The following FRMD4B variants were observed in gnomAD, a reference collection of about 807,000 sequenced individuals.
The protein encoded by FRMD4B is FERM domain containing 4B.
A neutral mutation model predicts 141.5 loss-of-function variants in FRMD4B; 74 were observed. The observed-to-expected ratio is 0.52, with a 90% CI of 0.43 to 0.63. The LOEUF (loss-of-function observed/expected upper bound fraction) is 0.63, where lower values mean the gene tolerates loss of function less well. Ranked by LOEUF, FRMD4B falls within the 30% of genes least tolerant of loss-of-function variation. FRMD4B has a pLI of 0.00. For missense variants in FRMD4B, 1,366 were observed against 1,253.4 expected (o/e 1.09, Z -1.36); for synonymous variants, 506 against 467.9 (o/e 1.08, Z -1.05).
intron 2 of FRMD4B, among the ~76,000 whole-genome samples, chr3:69,413,387 G>C (rs894204108): frequency 6.6e-6 from 1 of 152,144 alleles, no homozygotes; most frequent in Non-Finnish European, 1.5e-5. Flanking sequence ...ACCCCAGGCC[G>C]TCTTGATGTT....
chr3:69,457,755 G>A (rs1353827998), intron 1 of FRMD4B, among the ~76,000 whole-genome samples: 1 of 152,168 alleles, frequency 6.6e-6, no homozygotes, highest in African/African-American at 2.4e-5. Flanking sequence ...GAAGTTTTCT[G>A]GCTTAGTAGC....
intron 11 of FRMD4B, among the ~76,000 whole-genome samples, chr3:69,211,678 G>A (rs72932136): frequency 0.12 from 17,831 of 152,120 alleles, 1,188 homozygotes; most frequent in East Asian, 0.33. Context: ...TAACAAGACG[G>A]GATGTGGCTC....
intron 1 of FRMD4B, among the ~76,000 whole-genome samples, chr3:69,346,292 A>C (rs931563651): frequency 6.6e-6 from 1 of 152,170 alleles, no homozygotes; most frequent in Non-Finnish European, 1.5e-5. Flanking sequence ...AAAAGAGTAA[A>C]AAGAAATGAA....
At chr3:69,401,681 C>G (rs1365168481) in intron 2 of FRMD4B, among the ~76,000 whole-genome samples, 1 of 152,130 alleles carries the variant, frequency 6.6e-6, no homozygotes, top group Non-Finnish European at 1.5e-5. Flanking sequence ...TCCTGATTAG[C>G]TGGGACCACA....
intron 1 of FRMD4B, among the ~76,000 whole-genome samples, chr3:69,486,469 A>G (rs1008171356): frequency 6.6e-6 from 1 of 152,174 alleles, no homozygotes; most frequent in African/African-American, 2.4e-5. Flanking sequence ...ATAAAACACT[A>G]TATGGACAAA....
At chr3:69,410,359 G>A (rs1021175432) in intron 2 of FRMD4B, among the ~76,000 whole-genome samples, 2 of 152,238 alleles carry the variant, frequency 1.3e-5, no homozygotes. Flanking sequence ...GTGAATATCT[G>A]CGTGAGTGTA....
intron 5 of FRMD4B, among the ~76,000 whole-genome samples, chr3:69,257,436 T>A (rs546215468): frequency 3.9e-5 from 6 of 152,280 alleles, no homozygotes; most frequent in Non-Finnish European, 8.8e-5. Flanking sequence ...CCTTTCTTTT[T>A]ACCTTAATGA....
At chr3:69,384,658 G>T (rs763325443) in intron 1 of FRMD4B, among the ~76,000 whole-genome samples, 7 of 152,190 alleles carry the variant, frequency 4.6e-5, no homozygotes, top group Non-Finnish European at 8.8e-5. Flanking sequence ...AGATATCACA[G>T]ATATGTTATA....
At chr3:69,302,001 G>C (rs972553092) in intron 4 of FRMD4B, among the ~76,000 whole-genome samples, 1 of 152,184 alleles carries the variant, frequency 6.6e-6, no homozygotes, top group Non-Finnish European at 1.5e-5. Flanking sequence ...CAAAGAATGA[G>C]AATCTTAAGA....
At chr3:69,537,553 T>C (rs193266410) in intron 1 of FRMD4B, among the ~76,000 whole-genome samples, 130 of 152,346 alleles carry the variant, frequency 8.5e-4, no homozygotes, top group African/African-American at 3.0e-3. Flanking sequence ...CACCCCCTTG[T>C]AAGAGGTTTT....
chr3:69,273,461 T>C (rs574157035), intron 5 of FRMD4B, among the ~76,000 whole-genome samples: 1 of 152,312 alleles, frequency 6.6e-6, no homozygotes, highest in African/African-American at 2.4e-5. Flanking sequence ...TTCTGATAGG[T>C]TAAGCATATT....
intron 1 of FRMD4B, among the ~76,000 whole-genome samples, chr3:69,522,681 C>A (rs915174315): frequency 6.6e-6 from 1 of 152,188 alleles, no homozygotes; most frequent in African/African-American, 2.4e-5. Flanking sequence ...GAGACTTCTG[C>A]TGTTGGAAGG....
chr3:69,333,999 G>A (rs977719059), intron 1 of FRMD4B: 10 of 152,176 alleles, frequency 6.6e-5, no homozygotes, highest in African/African-American at 2.4e-4. Context: ...CTGAAAAAGG[G>A]TAAATCTCTT....
At chr3:69,232,978 T>G (rs1448735259) in intron 7 of FRMD4B, among the ~76,000 whole-genome samples, 2 of 149,712 alleles carry the variant, frequency 1.3e-5, no homozygotes, top group Non-Finnish European at 3.0e-5. Flanking sequence ...TTTCAAACCC[T>G]TGGGCTCAAG....
At chr3:69,179,375 ACT>A (rs2092681863) in intron 21 of FRMD4B, among the ~76,000 whole-genome samples, 1 of 151,866 alleles carries the variant, frequency 6.6e-6, no homozygotes, top group Non-Finnish European at 1.5e-5. Flanking sequence ...CCCTTGTAGT[ACT>A]CTGTCTGTTC....
chr3:69,498,336 G>A (rs1015193379), intron 1 of FRMD4B, among the ~76,000 whole-genome samples: 2 of 152,150 alleles, frequency 1.3e-5, no homozygotes, highest in Non-Finnish European at 2.9e-5. Flanking sequence ...GCAATAAGGG[G>A]ATTTTATGAC....
intron 1 of FRMD4B, among the ~76,000 whole-genome samples, chr3:69,441,829 G>A (rs894323834): frequency 6.6e-6 from 1 of 152,168 alleles, no homozygotes. Context: ...AAATAATGAT[G>A]TAAGACATTT....
intron 2 of FRMD4B, among the ~76,000 whole-genome samples, chr3:69,393,676 CTT>C (rs1343939973): frequency 2.0e-5 from 3 of 151,842 alleles, no homozygotes; most frequent in Non-Finnish European, 4.4e-5. Context: ...TTTTTCTATA[CTT>C]ATTAAGTCTA....
At chr3:69,309,037 A>T (rs770629768) in intron 3 of FRMD4B, among the ~76,000 whole-genome samples, 2 of 152,204 alleles carry the variant, frequency 1.3e-5, no homozygotes, top group African/African-American at 2.4e-5. Flanking sequence ...TGAGCTCCAT[A>T]AAAGCAGGGG....
Sources: gnomAD v4.1 joint callset for allele counts (sites outside exome capture counted in the v4.1 genomes callset) on GRCh38, gnomAD v4.1.1 for gene constraint, MANE v1.5 for transcripts, NCBI Gene and HGNC (gene_info 2026-07-23, HGNC 2026-07-21) for gene names.